SCUBE1: variants seen among roughly 807,000 people sequenced by gnomAD.
SCUBE1 encodes signal peptide, CUB and EGF-like domain-containing protein 1.
A neutral mutation model predicts 124.4 loss-of-function variants in SCUBE1; 59 were observed. The ratio of observed to expected loss-of-function variants is 0.47; its 90% CI spans 0.38 to 0.59. SCUBE1 has a LOEUF of 0.59. Among genes scored for constraint, SCUBE1 ranks in the 20% least tolerant of loss-of-function variants. SCUBE1 has a pLI of 0.00. For synonymous variants in SCUBE1, 545 were observed against 550.9 expected, an observed-to-expected ratio of 0.99 and a Z score of 0.15; for missense variants, 1,150 against 1,371.2, an observed-to-expected ratio of 0.84 and a Z score of 2.55.
At chr22:43,326,356 G>T (rs1926728580) in intron 2 of SCUBE1, among the ~76,000 whole-genome samples, 2 of 152,114 alleles carry the variant, frequency 1.3e-5, no homozygotes, top group South Asian at 4.2e-4. Flanking sequence ...AGAGATGTAT[G>T]GCTTAGGAAG....
chr22:43,329,008 C>A (rs1026022267), intron 2 of SCUBE1, among the ~76,000 whole-genome samples: 1 of 152,156 alleles, frequency 6.6e-6, no homozygotes, highest in Admixed American at 6.5e-5. Context: ...CACCTTGACA[C>A]AATTGTCTAG....
rs35230785 is a variant in SCUBE1 at position 43,319,558 on chromosome 22, C to CAAAAAAAAAAA, written c.349+368_349+378dup. 1.6e-4 allele frequency among the ~76,000 whole-genome samples: 9 copies of CAAAAAAAAAAA among 55,196 alleles called. 2 individuals carry two copies. Among genetic ancestry groups the CAAAAAAAAAAA allele is most frequent in the African/African-American group, 7.4e-4 (9 of 12,114 alleles). The allele number at this position is 55,196 out of a possible 152,430, so 36.2% of individuals were successfully genotyped here. On this transcript the variant is annotated intron_variant, in intron 3 of 21. Transcript: ENST00000360835. ...TGGGTGACAGAGCAAGACTCCATCT[C>CAAAAAAAAAAA]AAAAAAAAAAAAAAAAAAAAAAGAA...
In SCUBE1 at chr22:43,227,486, C is replaced by G. The variant is rs146461162; in HGVS notation, c.1095G>C (p.Glu365Asp). Residue 365 changes from glutamate (E) to aspartate (D), a missense_variant, in exon 10 of 22, where the codon GAG becomes GAC. Physicochemically the swap from Glu to Asp is conservative, Grantham distance 45. Around this residue, in one of 3 missense-constraint regions of SCUBE1, gnomAD observed 337 missense variants for 482.1 expected, o/e 0.70. Coordinates refer to ENST00000360835, the MANE Select transcript of SCUBE1 (RefSeq NM_173050.5). The part of the protein sequence containing the change: ...YGTTHCGDVD[E>D]CSMSNGSCDQ... ...CACAGCTCCCGTTGCTCATGCTGCA[C>G]TCGTCCACATCTGGAAGCACAGCGG... 29 of 1,612,490 alleles carry G rather than the reference C, an allele frequency of 1.8e-5. No individual in the cohort carries two copies. Among genetic ancestry groups the G allele is most frequent in the Non-Finnish European group, 2.4e-5 (28 of 1,179,790 alleles).
At chr22:43,262,936 G>A (rs561046901) in intron 4 of SCUBE1, 91 bp from the exon 5 acceptor site, 1 of 1,404,676 alleles carries the variant, frequency 7.1e-7, no homozygotes, top group East Asian at 2.3e-5. Context: ...CCAATGATAT[G>A]TAACAATCAA....
intron 5 of SCUBE1, among the ~76,000 whole-genome samples, chr22:43,261,510 G>A (rs746543204): frequency 2.0e-5 from 3 of 152,314 alleles, no homozygotes; most frequent in South Asian, 2.1e-4. Context: ...CATGAGTTGG[G>A]AAAGGTATGG....
intron 4 of SCUBE1, among the ~76,000 whole-genome samples, chr22:43,265,014 A>G (rs1043043899): frequency 2.0e-5 from 3 of 152,224 alleles, no homozygotes; most frequent in Admixed American, 6.5e-5. Flanking sequence ...GAAGAGCCCA[A>G]GGGCCCTTGT....
intron 6 of SCUBE1, among the ~76,000 whole-genome samples, chr22:43,244,212 G>A (rs1020661706): frequency 6.6e-6 from 1 of 152,112 alleles, no homozygotes; most frequent in Non-Finnish European, 1.5e-5. Flanking sequence ...GGTTCCACAG[G>A]GCACCCCCCT....
intron 3 of SCUBE1, among the ~76,000 whole-genome samples, chr22:43,298,823 C>T (rs994840667): frequency 4.6e-5 from 7 of 152,102 alleles, no homozygotes; most frequent in African/African-American, 7.2e-5. Flanking sequence ...GAGGCTGAGG[C>T]GGGCGGATCA....
intron 12 of SCUBE1, among the ~76,000 whole-genome samples, chr22:43,221,873 G>C (rs1922105167): frequency 6.6e-6 from 1 of 152,168 alleles, no homozygotes; most frequent in African/African-American, 2.4e-5. Flanking sequence ...AGACTAGCCT[G>C]ACCAACATGG....
In SCUBE1 at chr22:43,295,719, C is replaced by T. The variant is rs577255422; in HGVS notation, c.350-4539G>A. Among the ~76,000 whole-genome samples, 147 of 152,330 alleles carry T rather than the reference C, an allele frequency of 9.7e-4. No homozygotes were observed. In the Middle Eastern group the frequency reaches 0.014, roughly 14 times the overall value. On this transcript the variant is annotated intron_variant, in intron 3 of 21. Transcript: ENST00000360835. The stretch of plus-strand genomic sequence containing the variant: ...AACTGCCTCCCCTCCTTGTCCAGAC[C>T]GAAGTTTTTCTTGCCTTCTGAATCC...
chr22:43,301,759 A>G (rs1955194591), intron 3 of SCUBE1, among the ~76,000 whole-genome samples: 1 of 152,216 alleles, frequency 6.6e-6, no homozygotes, highest in Admixed American at 6.5e-5. Context: ...TGAGCATCAC[A>G]GTATCCCAGG....
chr22:43,210,996 T>A lies in SCUBE1; in HGVS notation c.2309A>T (p.Gln770Leu). 6.2e-7 allele frequency: 1 copy of A among 1,614,154 alleles called. No homozygotes were observed. The highest frequency in any genetic ancestry group is 1.1e-5 in the South Asian group (1 of 91,084). ...GCCCGGACAGGTGATGCAGTGGTTC[T>A]GGCCAAACTCGGGCTGGTAGGTGCC... ...PVGTYQPEFG[Q>L]NHCITCPGNT... The change falls in exon 18 of 22, where the codon CAG becomes CTG. Residue 770 changes from glutamine (Q) to leucine (L), a missense_variant. Coordinates refer to ENST00000360835, the MANE Select transcript of SCUBE1 (RefSeq NM_173050.5). The surrounding 1 kb of genome is among the most constrained non-coding windows in gnomAD (Gnocchi z 4.5).
At chr22:43,251,223 C>T (rs565398866) in intron 6 of SCUBE1, among the ~76,000 whole-genome samples, 26 of 152,246 alleles carry the variant, frequency 1.7e-4, no homozygotes, top group African/African-American at 5.3e-4. Context: ...GCGGAGGCTC[C>T]GTGAAGTGGG....
chr22:43,228,178 C>T (rs751662853), intron 9 of SCUBE1, among the ~76,000 whole-genome samples: 1 of 152,140 alleles, frequency 6.6e-6, no homozygotes, highest in African/African-American at 2.4e-5. Flanking sequence ...GTGTGGCTAC[C>T]CCCAGGTCAC....
intron 14 of SCUBE1, 69 bp from the exon 15 acceptor site, chr22:43,218,527 G>A (rs1921939767): frequency 4.5e-6 from 7 of 1,550,344 alleles, no homozygotes; most frequent in Non-Finnish European, 6.1e-6. Context: ...CTTAGCTGAG[G>A]GCTCCCCCGT....
chr22:43,273,185 C>G (rs887846787), intron 4 of SCUBE1, among the ~76,000 whole-genome samples: 2 of 152,232 alleles, frequency 1.3e-5, no homozygotes, highest in African/African-American at 4.8e-5. Flanking sequence ...GGTTCACTGG[C>G]AGGCACGCAC....
intron 4 of SCUBE1, among the ~76,000 whole-genome samples, chr22:43,271,311 A>T (rs1924283203): frequency 6.6e-6 from 1 of 152,186 alleles, no homozygotes; most frequent in African/African-American, 2.4e-5. Flanking sequence ...ACACCTGAGT[A>T]ACCTCTTTGC....
intron 10 of SCUBE1, among the ~76,000 whole-genome samples, chr22:43,224,140 T>C (rs1341106402): frequency 6.6e-6 from 1 of 152,210 alleles, no homozygotes; most frequent in Non-Finnish European, 1.5e-5. Flanking sequence ...TCCTCCAAGA[T>C]TGTTTTAGAA....
At chr22:43,220,640 G>T in intron 13 of SCUBE1, 53 bp from the exon 14 acceptor site, 2 of 1,594,836 alleles carry the variant, frequency 1.3e-6, no homozygotes, top group Non-Finnish European at 1.7e-6. Context: ...AGGGAGCAAG[G>T]TCCTACCAAG....
Sources: gnomAD v4.1 joint callset for allele counts (sites outside exome capture counted in the v4.1 genomes callset) on GRCh38, gnomAD v4.1.1 for gene constraint, gnomAD v4.1.1 regional missense constraint, Gnocchi (gnomAD v3.1) non-coding constraint, MANE v1.5 for transcripts, NCBI Gene and HGNC (gene_info 2026-07-23, HGNC 2026-07-21) for gene names.